HYDIN: variants seen among roughly 807,000 people sequenced by gnomAD.
HYDIN encodes the protein HYDIN axonemal central pair apparatus protein.
HYDIN carries 132 observed loss-of-function variants against 403.9 expected under a neutral mutation model. The observed-to-expected ratio is 0.33, with a 90% CI of 0.28 to 0.38. The LOEUF is 0.38. HYDIN is among the 10% of genes least tolerant of loss of function. The pLI is 1.00. For synonymous variants in HYDIN, 1,202 were observed against 1,891.7 expected (o/e 0.64, Z 9.46); for missense variants, 2,827 against 5,009.5 (o/e 0.56, Z 13.15).
At chr16:70,943,705 C>T (rs1048484380) in intron 42 of HYDIN, 107 bp downstream of exon 42, 4 of 1,436,110 alleles carry the variant, frequency 2.8e-6, no homozygotes, top group Non-Finnish European at 2.8e-6. Flanking sequence ...GCCTTCCGGG[C>T]TGCCGAGCTG....
chr16:71,134,879 C>T (rs2084855114), intron 8 of HYDIN, among the ~76,000 whole-genome samples: 1 of 152,112 alleles, frequency 6.6e-6, no homozygotes, highest in Non-Finnish European at 1.5e-5. Context: ...CCTGGTGCAA[C>T]AAGAGATCAG....
At position 70,818,338 on chromosome 16, in the gene HYDIN, G is replaced by T. The variant is rs372756840; in HGVS notation, c.14658+4C>A. Reference sequence around the variant, plus strand: ...GGGAGCCCCCGACAGCCAAGGGGCCGTACCTCGGAGTTGGCAGGCACCACA... The same window carrying T: ...GGGAGCCCCCGACAGCCAAGGGGCCTTACCTCGGAGTTGGCAGGCACCACA... On this transcript the variant is annotated splice_donor_region_variant and intron_variant, in intron 84 of 85. Coordinates refer to ENST00000393567, the MANE Select transcript of HYDIN (RefSeq NM_001270974.2). 4 of 1,609,416 alleles carry T rather than the reference G, an allele frequency of 2.5e-6. 1 individual carries two copies.
intron 5 of HYDIN, among the ~76,000 whole-genome samples, chr16:71,168,997 A>G (rs2086356281): frequency 6.6e-6 from 1 of 152,192 alleles, no homozygotes; most frequent in Non-Finnish European, 1.5e-5. Flanking sequence ...TAGCAATTCC[A>G]CTTCTGGGTA....
At chr16:71,221,161 T>G (rs2089179586) in intron 1 of HYDIN, among the ~76,000 whole-genome samples, 1 of 151,938 alleles carries the variant, frequency 6.6e-6, no homozygotes. Flanking sequence ...GTGTACACTT[T>G]CAACGTTTGG....
chr16:70,821,598 C>T (rs1173156981), intron 83 of HYDIN, among the ~76,000 whole-genome samples: 1 of 150,904 alleles, frequency 6.6e-6, no homozygotes, highest in African/African-American at 2.5e-5. Flanking sequence ...TATTTTTCCC[C>T]CCTGGCTGCT....
chr16:71,087,340 G>A (rs373304182), intron 12 of HYDIN, among the ~76,000 whole-genome samples: 2,041 of 151,532 alleles, frequency 0.013, 43 homozygotes, highest in African/African-American at 0.046. Flanking sequence ...AGGGTCTCTC[G>A]CTTCAGCTTC....
chr16:71,068,410 A>G (rs2082345154), intron 14 of HYDIN, among the ~76,000 whole-genome samples: 2 of 152,172 alleles, frequency 1.3e-5, no homozygotes, highest in Admixed American at 6.5e-5. Flanking sequence ...TTTTCTAAAT[A>G]TAAAGGAAAA....
At position 70,879,661 on chromosome 16, in the gene HYDIN, C is replaced by T. The variant is rs774888383; in HGVS notation, c.10311G>A (p.Pro3437=). ...SHAFATVSFT[P]QIMQNYQCIF... ...TGCACTGGTAGTTCTGCATGATCTG[C>T]GGGGTGAAGGACACCGTGGCAAAGG... Residue 3437 remains proline, a synonymous_variant, in exon 61 of 86, where the codon CCG becomes CCA. Coordinates refer to ENST00000393567, the MANE Select transcript of HYDIN (RefSeq NM_001270974.2). 38 of 1,589,202 alleles carry T rather than the reference C, an allele frequency of 2.4e-5. No homozygotes were observed. The highest frequency in any genetic ancestry group is 1.7e-4 in the Admixed American group (10 of 59,276).
intron 13 of HYDIN, among the ~76,000 whole-genome samples, chr16:71,073,665 C>A (rs4606725): frequency 0.03 from 4,522 of 152,136 alleles, 187 homozygotes; most frequent in African/African-American, 0.1. Context: ...TATTCTCATT[C>A]AACACATCCT....
At chr16:70,942,890 G>T (rs1441628731) in intron 42 of HYDIN, among the ~76,000 whole-genome samples, 3 of 152,046 alleles carry the variant, frequency 2.0e-5, no homozygotes, top group Non-Finnish European at 1.5e-5. Flanking sequence ...CTTTACTCTG[G>T]GTATCTAAAA....
At chr16:71,221,256 A>C (rs1347143123) in intron 1 of HYDIN, among the ~76,000 whole-genome samples, 2 of 145,180 alleles carry the variant, frequency 1.4e-5, no homozygotes, top group Non-Finnish European at 3.1e-5. Flanking sequence ...GAAAGGTATA[A>C]AGAAAAAAAA....
At chr16:70,932,863 G>A (rs1407816373) in intron 45 of HYDIN, among the ~76,000 whole-genome samples, 3 of 152,032 alleles carry the variant, frequency 2.0e-5, no homozygotes, top group Non-Finnish European at 4.4e-5. Flanking sequence ...TGTGAGGTCA[G>A]GGGTAAAATA....
chr16:71,079,079 C>T (rs2082705396), intron 13 of HYDIN, among the ~76,000 whole-genome samples: 1 of 151,580 alleles, frequency 6.6e-6, no homozygotes, highest in Non-Finnish European at 1.5e-5. Context: ...CCTGTCTCTT[C>T]CTCCTTTCTG....
chr16:70,880,704 T>G (rs988858801), intron 60 of HYDIN, among the ~76,000 whole-genome samples: 1 of 152,222 alleles, frequency 6.6e-6, no homozygotes, highest in African/African-American at 2.4e-5. Flanking sequence ...TGTTCCCAAC[T>G]TGTGGCAGTG....
At chr16:71,176,198 G>A (rs746425416) in intron 4 of HYDIN, among the ~76,000 whole-genome samples, 4 of 151,712 alleles carry the variant, frequency 2.6e-5, no homozygotes, top group Non-Finnish European at 5.9e-5. Context: ...CCAGCTACTG[G>A]GGAGGCTGAG....
chr16:70,820,476 G>A (rs1332930359), intron 83 of HYDIN, among the ~76,000 whole-genome samples: 1 of 151,478 alleles, frequency 6.6e-6, no homozygotes, highest in African/African-American at 2.4e-5. Flanking sequence ...ACCGTGCCGG[G>A]CCTAAAGTGA....
In HYDIN at chr16:70,978,925, C is replaced by T. The variant is rs368536031; in HGVS notation, c.4627G>A (p.Glu1543Lys). 5.0e-6 allele frequency: 8 copies of T among 1,613,490 alleles called. No homozygotes were observed. The highest frequency in any genetic ancestry group is 1.3e-5 in the African/African-American group (1 of 74,900). Residue 1543 changes from glutamate to lysine, a missense_variant, in exon 30 of 86, where the codon GAG becomes AAG. By Grantham distance (56) the Glu-to-Lys change is moderately conservative (BLOSUM62 1). Coordinates refer to ENST00000393567, the MANE Select transcript of HYDIN (RefSeq NM_001270974.2). ...TGGAGCTGTCTTACCTCAGCAGGCT[C>T]GTCTTCTGGCACTTCCTCAGTTATT... ...DIITEEVPED[E>K]PAEVSAHLQM...
At chr16:71,200,238 G>A (rs954096140) in intron 1 of HYDIN, among the ~76,000 whole-genome samples, 2 of 152,138 alleles carry the variant, frequency 1.3e-5, no homozygotes, top group South Asian at 2.1e-4. Flanking sequence ...AGCAGCCCTC[G>A]GGGCTGCTCT....
intron 18 of HYDIN, among the ~76,000 whole-genome samples, chr16:71,056,026 G>A (rs2081873582): frequency 6.6e-6 from 1 of 151,960 alleles, no homozygotes; most frequent in South Asian, 2.1e-4. Flanking sequence ...CATAGGGAGG[G>A]GAAAGTCTCT....
Sources: allele counts gnomAD v4.1 joint callset (sites outside exome capture counted in the v4.1 genomes callset), GRCh38; gene constraint gnomAD v4.1.1; transcripts MANE v1.5; gene names NCBI Gene and HGNC (gene_info 2026-07-23, HGNC 2026-07-21).